Variants in FKBP15 observed in about 807,000 individuals in gnomAD.
FKBP15 encodes the protein FKBP prolyl isomerase family member 15.
Under a neutral mutation model 158.1 loss-of-function variants are expected in FKBP15, and 106 were observed. That is an observed-to-expected ratio of 0.67 (90% CI 0.57 to 0.79). FKBP15 has a LOEUF of 0.79. FKBP15 is among the 30% of genes least tolerant of loss of function. The probability of loss-of-function intolerance (pLI) is 0.00; values close to 1 mark genes in which losing one functional copy is unlikely to be tolerated. For missense variants in FKBP15, 1,287 were observed against 1,479.1 expected, an observed-to-expected ratio of 0.87 and a Z score of 2.13; for synonymous variants, 547 against 548.6, an observed-to-expected ratio of 1.00 and a Z score of 0.04.
intron 9 of FKBP15, among the ~76,000 whole-genome samples, chr9:113,195,248 G>C (rs1221266835): frequency 6.6e-6 from 1 of 152,186 alleles, no homozygotes; most frequent in Non-Finnish European, 1.5e-5. Flanking sequence ...GAGTGAACTA[G>C]TTTATACACC....
rs1331537952 is a variant in FKBP15 at position 113,162,258 on chromosome 9, G to A, written c.*3820C>T. ...TCAGATCTTCACAACTGCACTGCAAGGGAAGTATTCTCATTCCTGTTTTAC... is the reference window on the plus strand; with the variant it reads ...TCAGATCTTCACAACTGCACTGCAAAGGAAGTATTCTCATTCCTGTTTTAC... On this transcript the variant is annotated 3_prime_UTR_variant, in exon 28 of 28. Transcript: ENST00000238256. 4.1e-6 allele frequency: 1 copy of A among 245,542 alleles called. No individual in the cohort carries two copies. Among genetic ancestry groups the A allele is most frequent in the East Asian group, 1.4e-4 (1 of 6,980 alleles). 15.2% of individuals were successfully genotyped at this position (245,542 alleles called of 1,614,324 possible).
At position 113,173,587 on chromosome 9, in the gene FKBP15, C is replaced by A; in HGVS notation, c.2398G>T (p.Glu800Ter). ...AAEQLSLVQA[E>*]LQTQWEAKCE... ...TTTGCTTCCCACTGGGTCTGTAGCT[C>A]AGCCTGTACTAAAGACAGCTGCCAA... Residue 800 changes from glutamate to a stop codon, truncating the protein, a stop_gained, in exon 23 of 28, where the codon GAG becomes TAG. Coordinates refer to ENST00000238256, the MANE Select transcript of FKBP15 (RefSeq NM_015258.2). LOFTEE classifies it high-confidence loss of function. 6.2e-7 allele frequency: 1 copy of A among 1,613,870 alleles called. No individual in the cohort carries two copies. The highest frequency in any genetic ancestry group is 1.1e-5 in the South Asian group (1 of 91,058).
In FKBP15 at chr9:113,218,699, A is replaced by G. The variant is rs1013231800; in HGVS notation, c.53+2492T>C. On this transcript the variant is annotated intron_variant, in intron 1 of 27. Coordinates refer to ENST00000238256, the MANE Select transcript of FKBP15 (RefSeq NM_015258.2). ...AAACTACAGAACTGGCAAAGGTCTCAAAGTTTATCTAGGTCAAACCTCATT... is the reference window on the plus strand; with the variant it reads ...AAACTACAGAACTGGCAAAGGTCTCGAAGTTTATCTAGGTCAAACCTCATT... Among the ~76,000 whole-genome samples, 46 of 152,146 alleles carry G rather than the reference A, an allele frequency of 3.0e-4. 2 individuals carry two copies. The highest frequency in any genetic ancestry group is 1.1e-3 in the African/African-American group (46 of 41,438).
intron 1 of FKBP15, among the ~76,000 whole-genome samples, chr9:113,217,004 A>G (rs1344164336): frequency 2.7e-5 from 4 of 150,028 alleles, no homozygotes; most frequent in Non-Finnish European, 5.9e-5. Flanking sequence ...CCAGGCTTCA[A>G]GCGATTCTCC....
chr9:113,218,381 A>T (rs7035661), intron 1 of FKBP15, among the ~76,000 whole-genome samples: 1 of 27,098 alleles, frequency 3.7e-5, no homozygotes, highest in East Asian at 8.4e-4. Flanking sequence ...ATACAATTAT[A>T]TATATATATA....
At chr9:113,182,718 T>C in intron 19 of FKBP15, 48 bp downstream of exon 19, 1 of 1,486,124 alleles carries the variant, frequency 6.7e-7, no homozygotes, top group Non-Finnish European at 9.4e-7. Context: ...GACCATTCCT[T>C]AGCTCTACCC....
In FKBP15 at chr9:113,211,410, C is replaced by T. The variant is rs1048979121; in HGVS notation, c.169+67G>A. ...CTGACCTCAGGTGATCCACCGGCCT[C>T]GGCCTCCCAAAGTGCTGGGATTACA... On this transcript the variant is annotated intron_variant, in intron 2 of 27. Coordinates refer to ENST00000238256, the MANE Select transcript of FKBP15 (RefSeq NM_015258.2). The T allele has an allele frequency of 4.0e-5, 51 of 1,272,042 alleles. No homozygotes were observed. The Middle Eastern group carries it at 7.8e-4, about 19-fold the overall frequency. 78.8% of individuals were successfully genotyped at this position (1,272,042 alleles called of 1,614,324 possible).
Position 113,199,861 on chromosome 9 carries a change from C to T in FKBP15, c.601G>A (p.Glu201Lys). ...GPAVEVGDSL[E>K]VAYTGWLFQN... ...AAGAGCCAGCCGGTATAGGCCACTTCCAAAGAATCTCCAACTTCTACAGCA... is the reference window on the plus strand; with the variant it reads ...AAGAGCCAGCCGGTATAGGCCACTTTCAAAGAATCTCCAACTTCTACAGCA... Residue 201 changes from glutamate (E) to lysine (K), a missense_variant, in exon 7 of 28, where the codon GAA becomes AAA. Glu to Lys is a moderately conservative substitution (Grantham distance 56, BLOSUM62 1). Coordinates refer to ENST00000238256, the MANE Select transcript of FKBP15 (RefSeq NM_015258.2). 1.2e-6 allele frequency: 2 copies of T among 1,613,206 alleles called. No individual in the cohort carries two copies. The highest frequency in any genetic ancestry group is 2.2e-5 in the South Asian group (2 of 90,840).
In FKBP15 at chr9:113,174,526, TCTC is replaced by T; in HGVS notation, c.2278_2280del (p.Glu760del). Reference sequence around the variant, plus strand: ...TGGTATGACTTGCGAATTTCATCTATCTCCTCCTCGGCCTGAGAACGCTCTTGA... The same window carrying T: ...TGGTATGACTTGCGAATTTCATCTATCTCCTCGGCCTGAGAACGCTCTTGA... On this transcript the variant is annotated inframe_deletion, in exon 22 of 28. Coordinates refer to ENST00000238256, the MANE Select transcript of FKBP15 (RefSeq NM_015258.2). 1 of 1,614,026 alleles carries T rather than the reference TCTC, an allele frequency of 6.2e-7. No homozygotes were observed. Among genetic ancestry groups the T allele is most frequent in the Non-Finnish European group, 8.5e-7 (1 of 1,179,896 alleles).
intron 1 of FKBP15, among the ~76,000 whole-genome samples, chr9:113,216,083 G>GAAAAAAA (rs71491081): frequency 0.12 from 10,273 of 85,328 alleles, 633 homozygotes; most frequent in Admixed American, 0.14. Flanking sequence ...TTTATTTTGT[G>GAAAAAAA]AAAAAAAAAA....
chr9:113,176,029 C>CA (rs1221373791), intron 21 of FKBP15, among the ~76,000 whole-genome samples: 2 of 152,202 alleles, frequency 1.3e-5, no homozygotes, highest in Middle Eastern at 3.4e-3. Context: ...TAGGAATGCT[C>CA]AAACAAATTT....
intron 1 of FKBP15, among the ~76,000 whole-genome samples, chr9:113,214,623 C>A (rs1831081172): frequency 6.6e-6 from 1 of 152,220 alleles, no homozygotes; most frequent in Non-Finnish European, 1.5e-5. Flanking sequence ...TGAGCAACGG[C>A]TTCAACTTTA....
chr9:113,173,448 T>C lies in FKBP15; in HGVS notation c.2532+5A>G. 2 of 1,612,376 alleles carry C rather than the reference T, an allele frequency of 1.2e-6. No individual in the cohort carries two copies. Among genetic ancestry groups the C allele is most frequent in the Non-Finnish European group, 1.7e-6 (2 of 1,178,558 alleles). ...TAAACTGTCTGACTCAAGAAAAATA[T>C]GTACCTTTTCCTGAAGTTGTACCAG... On this transcript the variant is annotated splice_donor_5th_base_variant and intron_variant, in intron 23 of 27. Transcript: ENST00000238256.
intron 7 of FKBP15, 106 bp downstream of exon 7, chr9:113,199,708 A>G: frequency 8.2e-7 from 1 of 1,215,356 alleles, no homozygotes; most frequent in Non-Finnish European, 1.1e-6. Context: ...ATCCTAAAAT[A>G]TTTCTATTTG....
rs201957694 is a variant in FKBP15, at chr9:113,162,737, C to G, written c.*3341G>C. 23 of 1,605,296 alleles carry G rather than the reference C, an allele frequency of 1.4e-5. No homozygotes were observed. The highest frequency in any genetic ancestry group is 2.0e-5 in the Non-Finnish European group (23 of 1,175,052). On this transcript the variant is annotated 3_prime_UTR_variant, in exon 28 of 28. Transcript: ENST00000238256. ...CATTACCAGGATTAACTTGCTTCTC[C>G]TTTTTATCTAGGTGGTATTTGTGTC...
chr9:113,212,562 T>C (rs544975830), intron 1 of FKBP15, among the ~76,000 whole-genome samples: 1 of 152,326 alleles, frequency 6.6e-6, no homozygotes, highest in South Asian at 2.1e-4. Context: ...CTTTTTATAC[T>C]GTCAATTAAC....
chr9:113,209,348 TG>T (rs1168167912), intron 2 of FKBP15, among the ~76,000 whole-genome samples: 5 of 152,222 alleles, frequency 3.3e-5, no homozygotes, highest in Non-Finnish European at 7.3e-5. Flanking sequence ...GAACTAAGGT[TG>T]TTTCTTTTTC....
chr9:113,200,073 T>C, intron 6 of FKBP15, 110 bp from the exon 7 acceptor site: 1 of 1,257,532 alleles, frequency 8.0e-7, no homozygotes, highest in East Asian at 2.6e-5. Flanking sequence ...CAAAACAGAT[T>C]ACATGTTTAG....
intron 15 of FKBP15, 78 bp downstream of exon 15, chr9:113,186,171 G>A (rs540809608): frequency 8.1e-4 from 810 of 999,090 alleles, no homozygotes; most frequent in Non-Finnish European, 1.1e-3. Context: ...AGCTGTTGGT[G>A]TGAAAATGAA....
Sources: gnomAD v4.1 joint callset for allele counts (sites outside exome capture counted in the v4.1 genomes callset) on GRCh38, gnomAD v4.1.1 for gene constraint, MANE v1.5 for transcripts, NCBI Gene and HGNC (gene_info 2026-07-23, HGNC 2026-07-21) for gene names.